The following PLCE1 variants were observed in gnomAD, a reference collection of about 807,000 sequenced individuals.
The protein encoded by PLCE1 is phospholipase C epsilon 1.
A neutral mutation model predicts 242.8 loss-of-function variants in PLCE1; 119 were observed. The observed-to-expected ratio is 0.49, with a 90% confidence interval of 0.42 to 0.57. PLCE1 has a LOEUF of 0.57. Ranked by LOEUF, PLCE1 falls within the 20% of genes least tolerant of loss-of-function variation. The pLI is 0.00. For missense variants in PLCE1, 2,441 were observed against 2,788.8 expected (o/e 0.88, Z 2.81); for synonymous variants, 945 against 1,017.4 (o/e 0.93, Z 1.35).
At chr10:94,057,989 G>T (rs1362073237) in intron 2 of PLCE1, among the ~76,000 whole-genome samples, 1 of 152,086 alleles carries the variant, frequency 6.6e-6, no homozygotes, top group African/African-American at 2.4e-5. Context: ...TGCTCTGCAG[G>T]CTTGACATTT....
chr10:94,141,165 C>T lies in PLCE1; in HGVS notation c.1492+8706C>T, dbSNP rs182580137. Among the ~76,000 whole-genome samples the T allele has an allele frequency of 2.0e-5, 3 of 152,296 alleles. No homozygotes were observed. In the East Asian group the frequency reaches 5.8e-4, roughly 29 times the overall value. Reference sequence around the variant, plus strand: ...AGCTTGGTAGGCACAGGACAAAAACCTGTTTTAGGACCACAGGTGGTCAAG... The same window carrying T: ...AGCTTGGTAGGCACAGGACAAAAACTTGTTTTAGGACCACAGGTGGTCAAG... On this transcript the variant is annotated intron_variant, in intron 3 of 32. Transcript: ENST00000371380.
chr10:94,242,471 C>T (rs2050540394), intron 7 of PLCE1, among the ~76,000 whole-genome samples: 1 of 151,994 alleles, frequency 6.6e-6, no homozygotes, highest in Non-Finnish European at 1.5e-5. Context: ...CCACCACGCC[C>T]AGCTAATTTT....
At chr10:94,078,447 C>T (rs1203151377) in intron 2 of PLCE1, among the ~76,000 whole-genome samples, 1 of 152,040 alleles carries the variant, frequency 6.6e-6, no homozygotes, top group Non-Finnish European at 1.5e-5. Context: ...TACAAATTAG[C>T]CCCTCAGAAA....
chr10:94,184,046 G>A (rs1306466427), intron 4 of PLCE1, among the ~76,000 whole-genome samples: 1 of 152,114 alleles, frequency 6.6e-6, no homozygotes, highest in African/African-American at 2.4e-5. Flanking sequence ...AGTTTCATTT[G>A]CATTACTTGC....
intron 9 of PLCE1, 149 bp from the exon 10 acceptor site, chr10:94,254,041 C>T (rs570828650): frequency 1.4e-5 from 10 of 734,776 alleles, no homozygotes; most frequent in East Asian, 5.1e-5. Flanking sequence ...TGAGAATACT[C>T]GGTCAGCCTT....
intron 4 of PLCE1, among the ~76,000 whole-genome samples, chr10:94,176,993 T>C (rs2048147039): frequency 6.6e-6 from 1 of 152,006 alleles, no homozygotes; most frequent in South Asian, 2.1e-4. Flanking sequence ...AATCAGACAG[T>C]TTTTGTCATG....
intron 5 of PLCE1, among the ~76,000 whole-genome samples, chr10:94,232,479 G>A (rs2050178679): frequency 6.6e-6 from 1 of 152,154 alleles, no homozygotes; most frequent in Non-Finnish European, 1.5e-5. Context: ...GATGGGGATA[G>A]AGGGAGCACA....
At chr10:94,154,350 C>T (rs1255336664) in intron 3 of PLCE1, among the ~76,000 whole-genome samples, 2 of 152,098 alleles carry the variant, frequency 1.3e-5, no homozygotes, top group Admixed American at 1.3e-4. Context: ...GCACAGAAGA[C>T]CTAGAACTAT....
intron 2 of PLCE1, among the ~76,000 whole-genome samples, chr10:94,113,352 A>C: frequency 6.6e-6 from 1 of 152,204 alleles, no homozygotes; most frequent in South Asian, 2.1e-4. Flanking sequence ...GCAGAGAAGA[A>C]ACTCAGTACT....
chr10:94,246,318 G>A lies in PLCE1; in HGVS notation c.2793G>A (p.Leu931=). 6.2e-7 allele frequency: 1 copy of A among 1,614,206 alleles called. No individual in the cohort carries two copies. Among genetic ancestry groups the A allele is most frequent in the South Asian group, 1.1e-5 (1 of 91,084 alleles). ...TGGGTAATGCTGGATTAAGTAGCCT[G>A]ACGGAAGGGGTCTTGGATCTTTTTG... ...PLLGNAGLSS[L]TEGVLDLFAV... Residue 931 remains leucine, a synonymous_variant, in exon 8 of 33, where the codon CTG becomes CTA. Coordinates refer to ENST00000371380, the MANE Select transcript of PLCE1 (RefSeq NM_016341.4).
At chr10:94,315,298 C>T in intron 28 of PLCE1, 1 of 420,078 alleles carries the variant, frequency 2.4e-6, no homozygotes, top group Non-Finnish European at 4.7e-6. Context: ...TCGCTCTGGG[C>T]TTTGCCTTAT....
chr10:94,309,204 A>C (rs537950136), intron 27 of PLCE1, among the ~76,000 whole-genome samples: 1 of 152,258 alleles, frequency 6.6e-6, no homozygotes, highest in Non-Finnish European at 1.5e-5. Flanking sequence ...GGAGTGAGCA[A>C]TAGGCTCTGC....
At chr10:94,143,020 C>T (rs2047015906) in intron 3 of PLCE1, among the ~76,000 whole-genome samples, 1 of 152,124 alleles carries the variant, frequency 6.6e-6, no homozygotes, top group Non-Finnish European at 1.5e-5. Flanking sequence ...AATAAACGTG[C>T]AAATTTTAAG....
intron 9 of PLCE1, 51 bp from the exon 10 acceptor site, chr10:94,254,139 T>C (rs1358087666): frequency 2.3e-6 from 3 of 1,312,578 alleles, no homozygotes; most frequent in East Asian, 2.3e-5. Context: ...ACTAAAGCAG[T>C]GATGGGAGAG....
chr10:94,147,477 G>A (rs1391589046), intron 3 of PLCE1, among the ~76,000 whole-genome samples: 1 of 29,868 alleles, frequency 3.3e-5, no homozygotes, highest in African/African-American at 6.3e-5. Context: ...AGAGAGAGGA[G>A]AGAAAGGAAG....
chr10:94,054,274 T>C (rs2043842024), intron 2 of PLCE1, among the ~76,000 whole-genome samples: 1 of 152,244 alleles, frequency 6.6e-6, no homozygotes, highest in Admixed American at 6.5e-5. Context: ...CTATTTTCTC[T>C]TCCTCTTCAG....
rs765860462 is a variant in PLCE1, at chr10:94,246,351, G to C, written c.2826G>C (p.Lys942Asn). ...TEGVLDLFAV[K>N]AVYMGHPGID... ...GGGTCTTGGATCTTTTTGCAGTGAA[G>C]GCTGTATACATGGGCCACCCTGGCA... Residue 942 changes from lysine (K) to asparagine (N), a missense_variant, in exon 8 of 33, where the codon AAG (lysine) becomes AAC (asparagine). Physicochemically the swap from Lys to Asn is moderately conservative, Grantham distance 94 (BLOSUM62 0). This residue lies in a region of PLCE1 where 733 missense variants were observed against 754.2 expected (regional missense o/e 0.97). Transcript: ENST00000371380. The C allele has an allele frequency of 6.2e-7, 1 of 1,614,174 alleles. No homozygotes were observed. The highest frequency in any genetic ancestry group is 8.5e-7 in the Non-Finnish European group (1 of 1,180,006).
intron 22 of PLCE1, among the ~76,000 whole-genome samples, chr10:94,292,582 T>A (rs761358266): frequency 8.5e-5 from 13 of 152,210 alleles, no homozygotes; most frequent in Non-Finnish European, 1.9e-4. Context: ...AGAGGTTAAG[T>A]AACTTGTGTG....
At chr10:94,152,270 A>T (rs1312216410) in intron 3 of PLCE1, among the ~76,000 whole-genome samples, 1 of 152,366 alleles carries the variant, frequency 6.6e-6, no homozygotes, top group Admixed American at 6.5e-5. Context: ...TATTAACTGC[A>T]TAGTTAAATA....
Sources: gnomAD v4.1 joint callset for allele counts (sites outside exome capture counted in the v4.1 genomes callset) on GRCh38, gnomAD v4.1.1 for gene constraint, gnomAD v4.1.1 regional missense constraint, MANE v1.5 for transcripts, NCBI Gene and HGNC (gene_info 2026-07-23, HGNC 2026-07-21) for gene names.